Variants in COL5A2 observed in about 807,000 individuals in gnomAD.
COL5A2 encodes the protein collagen type V alpha 2 chain, also known as collagen alpha-2(V) chain.
A neutral mutation model predicts 208.2 loss-of-function variants in COL5A2; 23 were observed. The observed-to-expected ratio is 0.11, with a 90% CI of 0.08 to 0.16. The LOEUF (loss-of-function observed/expected upper bound fraction) is 0.16. COL5A2 is among the 10% of genes least tolerant of loss of function. COL5A2 has a pLI of 1.00. For synonymous variants in COL5A2, 625 were observed against 628.5 expected (o/e 0.99, Z 0.08); for missense variants, 1,590 against 1,956.4 (o/e 0.81, Z 3.53).
chr2:189,161,155 C>T (rs911066853), intron 1 of COL5A2, among the ~76,000 whole-genome samples: 2 of 150,802 alleles, frequency 1.3e-5, no homozygotes, highest in Admixed American at 6.7e-5. Flanking sequence ...TCCTCTTGTC[C>T]TTCCTCTTGT....
chr2:189,431,012 T>C, the COL5A2 span, among the ~76,000 whole-genome samples: 1 of 152,288 alleles, frequency 6.6e-6, no homozygotes, highest in Non-Finnish European at 1.5e-5. Context: ...TTCTGCAATA[T>C]TTGCTGTTCT....
chr2:189,147,823 C>A (rs1387607538), intron 1 of COL5A2, among the ~76,000 whole-genome samples: 15 of 151,992 alleles, frequency 9.9e-5, no homozygotes, highest in Non-Finnish European at 2.2e-4. Context: ...CCCCAGGGCC[C>A]CAGCAAAGTC....
the COL5A2 span, among the ~76,000 whole-genome samples, chr2:189,387,697 G>A: frequency 5.3e-5 from 8 of 152,144 alleles, no homozygotes; most frequent in South Asian, 8.3e-4. Context: ...GTTTATGCTC[G>A]AAGATATTAA....
the COL5A2 span, among the ~76,000 whole-genome samples, chr2:189,300,129 TGACCAAG>T: frequency 2.6e-5 from 4 of 152,226 alleles, no homozygotes; most frequent in African/African-American, 9.6e-5. Context: ...AAGATTCTCA[TGACCAAG>T]TAATAACACT....
At chr2:189,211,571 C>A (rs1050450571) in intron 1 of COL5A2, among the ~76,000 whole-genome samples, 1 of 151,960 alleles carries the variant, frequency 6.6e-6, no homozygotes, top group African/African-American at 2.4e-5. Context: ...ATAGGCAAAA[C>A]TACAGACAGT....
intron 1 of COL5A2, among the ~76,000 whole-genome samples, chr2:189,165,939 A>G (rs1332498600): frequency 6.6e-6 from 1 of 152,242 alleles, no homozygotes; most frequent in Non-Finnish European, 1.5e-5. Context: ...ATTGTGACAC[A>G]GTTTATTTAT....
chr2:189,359,826 T>C, the COL5A2 span, among the ~76,000 whole-genome samples: 2 of 152,178 alleles, frequency 1.3e-5, no homozygotes, highest in Non-Finnish European at 2.9e-5. Flanking sequence ...ATTTATCTAT[T>C]TGTTAGTAGG....
At chr2:189,292,803 A>G in the COL5A2 span, among the ~76,000 whole-genome samples, 1 of 152,178 alleles carries the variant, frequency 6.6e-6, no homozygotes, top group Admixed American at 6.5e-5. Context: ...ACACATGCAC[A>G]CATATGTTTA....
chr2:189,404,788 C>T, the COL5A2 span, among the ~76,000 whole-genome samples: 1 of 152,204 alleles, frequency 6.6e-6, no homozygotes, highest in African/African-American at 2.4e-5. Flanking sequence ...ATCTTAAAGG[C>T]TAGCTAGTAT....
intron 1 of COL5A2, among the ~76,000 whole-genome samples, chr2:189,220,625 A>C (rs1182504450): frequency 6.6e-6 from 1 of 152,194 alleles, no homozygotes; most frequent in East Asian, 1.9e-4. Context: ...TTTCAGGTAA[A>C]TATGTATTTT....
chr2:189,264,528 T>C, the COL5A2 span, among the ~76,000 whole-genome samples: 2 of 152,108 alleles, frequency 1.3e-5, no homozygotes, highest in Admixed American at 6.6e-5. Context: ...TAGGGATGCA[T>C]ACATGATGGT....
At chr2:189,396,671 TAAAAAAA>T in the COL5A2 span, among the ~76,000 whole-genome samples, 1 of 102,426 alleles carries the variant, frequency 9.8e-6, no homozygotes, top group Non-Finnish European at 1.9e-5. Context: ...AAGACTCCAT[TAAAAAAA>T]AAAAAAAAAA....
At chr2:189,217,620 T>C (rs1488231023) in intron 1 of COL5A2, among the ~76,000 whole-genome samples, 1 of 152,132 alleles carries the variant, frequency 6.6e-6, no homozygotes, top group South Asian at 2.1e-4. Context: ...GAAGCAGCAT[T>C]GCAACATAAA....
At chr2:189,079,857 C>G (rs938716329) in intron 14 of COL5A2, 121 bp downstream of exon 14, 2 of 854,106 alleles carry the variant, frequency 2.3e-6, no homozygotes, top group Non-Finnish European at 4.0e-6. Flanking sequence ...GTTTATTTAC[C>G]TAACCATTTG....
chr2:189,225,565 G>A (rs1409998015), upstream of COL5A2, among the ~76,000 whole-genome samples: 2 of 152,014 alleles, frequency 1.3e-5, no homozygotes, highest in Non-Finnish European at 2.9e-5. Flanking sequence ...GAAAAATCTG[G>A]TGAGGGCCTG....
At chr2:189,289,858 G>A in the COL5A2 span, among the ~76,000 whole-genome samples, 1 of 152,108 alleles carries the variant, frequency 6.6e-6, no homozygotes, top group African/African-American at 2.4e-5. Flanking sequence ...GACCTGAACA[G>A]AAATATTTTG....
the COL5A2 span, among the ~76,000 whole-genome samples, chr2:189,421,196 C>G: frequency 6.6e-6 from 1 of 152,060 alleles, no homozygotes; most frequent in Admixed American, 6.6e-5. Context: ...CACACACCTA[C>G]TAAATTAGGA....
At chr2:189,350,071 T>C in the COL5A2 span, among the ~76,000 whole-genome samples, 1 of 152,154 alleles carries the variant, frequency 6.6e-6, no homozygotes. Flanking sequence ...ATGTACTCAG[T>C]ACTCCAGCAG....
the COL5A2 span, among the ~76,000 whole-genome samples, chr2:189,240,657 C>T: frequency 2.0e-5 from 3 of 152,130 alleles, no homozygotes; most frequent in African/African-American, 7.2e-5. Context: ...CAATCAATTC[C>T]TCTTGTGATT....
Sources: allele counts gnomAD v4.1 joint callset (sites outside exome capture counted in the v4.1 genomes callset), GRCh38; gene constraint gnomAD v4.1.1; transcripts MANE v1.5; gene names NCBI Gene and HGNC (gene_info 2026-07-23, HGNC 2026-07-21).